Variants in SLC25A13 observed in about 807,000 individuals in gnomAD.
SLC25A13 encodes the protein solute carrier family 25 member 13.
A neutral mutation model predicts 85.5 loss-of-function variants in SLC25A13; 70 were observed. The observed-to-expected ratio is 0.82, with a 90% CI of 0.68 to 1.00. SLC25A13 has a LOEUF of 1.00. Among genes scored for constraint, SLC25A13 ranks in the 50% least tolerant of loss-of-function variants. The pLI is 0.00. For synonymous variants in SLC25A13, 259 were observed against 288.7 expected (o/e 0.90, Z 1.04); for missense variants, 765 against 819.8 (o/e 0.93, Z 0.82).
chr7:96,282,019 T>A (rs1798700121), intron 2 of SLC25A13, among the ~76,000 whole-genome samples: 1 of 152,126 alleles, frequency 6.6e-6, no homozygotes, highest in African/African-American at 2.4e-5. Flanking sequence ...ACGGACTATA[T>A]CCTTATATCC....
chr7:96,186,184 C>G (rs1323764543), intron 9 of SLC25A13, among the ~76,000 whole-genome samples: 1 of 152,260 alleles, frequency 6.6e-6, no homozygotes, highest in African/African-American at 2.4e-5. Flanking sequence ...AATCCCAGCA[C>G]TTTGGGAGGC....
intron 4 of SLC25A13, among the ~76,000 whole-genome samples, chr7:96,227,232 T>A (rs1584481789): frequency 6.6e-6 from 1 of 152,348 alleles, no homozygotes; most frequent in South Asian, 2.1e-4. Context: ...CCTTTCTCTT[T>A]CAAAATTTGT....
intron 5 of SLC25A13, among the ~76,000 whole-genome samples, chr7:96,193,434 G>T (rs191764100): frequency 1.2e-4 from 19 of 152,116 alleles, no homozygotes; most frequent in African/African-American, 4.3e-4. Flanking sequence ...AATTACTTCC[G>T]TGCTCTCTAG....
In SLC25A13 at chr7:96,170,140, T is replaced by G. The variant is rs773786315; in HGVS notation, c.1231-15A>C. On this transcript the variant is annotated splice_polypyrimidine_tract_variant and intron_variant, in intron 12 of 17. Coordinates refer to ENST00000265631, the MANE Select transcript of SLC25A13 (RefSeq NM_014251.3). ...AAATCGTTCACCTTGAAGAAAAATA[T>G]TTATAGAAGCTGATGAAAAATATAA... 5 of 1,608,606 alleles carry G rather than the reference T, an allele frequency of 3.1e-6. No homozygotes were observed. The highest frequency in any genetic ancestry group is 2.7e-5 in the African/African-American group (2 of 74,826).
At chr7:96,296,413 C>A (rs1799349843) in intron 2 of SLC25A13, among the ~76,000 whole-genome samples, 1 of 151,878 alleles carries the variant, frequency 6.6e-6, no homozygotes, top group South Asian at 2.1e-4. Context: ...GTTGTCATCA[C>A]AGTCACCTAC....
intron 5 of SLC25A13, among the ~76,000 whole-genome samples, chr7:96,194,070 A>G (rs1462212685): frequency 2.0e-5 from 3 of 152,152 alleles, no homozygotes; most frequent in Admixed American, 6.5e-5. Flanking sequence ...GCATTTTATT[A>G]TCTTCCTCAC....
At chr7:96,269,236 T>C (rs1187382046) in intron 3 of SLC25A13, among the ~76,000 whole-genome samples, 1 of 152,176 alleles carries the variant, frequency 6.6e-6, no homozygotes, top group Non-Finnish European at 1.5e-5. Flanking sequence ...CATGGAAGGC[T>C]GACCAATGTA....
At chr7:96,242,617 A>G (rs1797036791) in intron 3 of SLC25A13, among the ~76,000 whole-genome samples, 1 of 152,200 alleles carries the variant, frequency 6.6e-6, no homozygotes, top group Non-Finnish European at 1.5e-5. Flanking sequence ...CTTCATCTGT[A>G]CAATGAACAC....
At chr7:96,208,338 A>G (rs1795538688) in intron 5 of SLC25A13, among the ~76,000 whole-genome samples, 1 of 152,156 alleles carries the variant, frequency 6.6e-6, no homozygotes, top group Non-Finnish European at 1.5e-5. Context: ...TATGATTTCA[A>G]CATATTAATA....
chr7:96,278,731 A>T (rs1262839697), intron 2 of SLC25A13, among the ~76,000 whole-genome samples: 1 of 152,160 alleles, frequency 6.6e-6, no homozygotes, highest in African/African-American at 2.4e-5. Context: ...CATTTTTTTT[A>T]GCACACTACA....
chr7:96,262,999 C>T (rs1160232740), intron 3 of SLC25A13, among the ~76,000 whole-genome samples: 1 of 145,856 alleles, frequency 6.9e-6, no homozygotes, highest in Admixed American at 7.0e-5. Flanking sequence ...CTATTCATTT[C>T]CTTCATCCTT....
chr7:96,141,019 C>CT (rs11433644), intron 14 of SLC25A13, among the ~76,000 whole-genome samples: 34,424 of 124,640 alleles, frequency 0.28, 5,268 homozygotes, highest in East Asian at 0.56. Context: ...TTTTTTCTTT[C>CT]TTTTTTTTTT....
At chr7:96,228,885 A>G (rs1269155351) in intron 4 of SLC25A13, among the ~76,000 whole-genome samples, 1 of 152,136 alleles carries the variant, frequency 6.6e-6, no homozygotes, top group Non-Finnish European at 1.5e-5. Context: ...TGGGTCCCCC[A>G]GCACTCCTGG....
At chr7:96,241,721 GA>G (rs1241736682) in intron 3 of SLC25A13, among the ~76,000 whole-genome samples, 1 of 151,426 alleles carries the variant, frequency 6.6e-6, no homozygotes, top group African/African-American at 2.4e-5. Flanking sequence ...CTTACAGTAA[GA>G]AAAAAATAAA....
chr7:96,188,293 G>T (rs527255401), intron 9 of SLC25A13, among the ~76,000 whole-genome samples: 2 of 152,166 alleles, frequency 1.3e-5, no homozygotes, highest in African/African-American at 2.4e-5. Context: ...AGAGGTGCTC[G>T]TTAGAATTTA....
chr7:96,163,226 T>C (rs1470112008), intron 13 of SLC25A13, among the ~76,000 whole-genome samples: 2 of 152,204 alleles, frequency 1.3e-5, no homozygotes, highest in African/African-American at 4.8e-5. Flanking sequence ...AGAAGTCTTG[T>C]TTCTGCCCAG....
intron 13 of SLC25A13, among the ~76,000 whole-genome samples, chr7:96,160,906 G>C (rs1793482621): frequency 6.6e-6 from 1 of 151,636 alleles, no homozygotes; most frequent in African/African-American, 2.4e-5. Context: ...GACTTTTTGA[G>C]AAAACCGATG....
intron 3 of SLC25A13, among the ~76,000 whole-genome samples, chr7:96,239,086 A>AAGCCTTGTCTGGCAATGTTAATGTTTCAT: frequency 1.4e-5 from 2 of 142,234 alleles, no homozygotes; most frequent in Non-Finnish European, 3.0e-5. Flanking sequence ...TGTATATACA[A>AAGCCTTGTCTGGCAATGTTAATGTTTCAT]AGCCTTGTCT....
chr7:96,123,106 C>T (rs570186126), intron 15 of SLC25A13, among the ~76,000 whole-genome samples: 1 of 152,286 alleles, frequency 6.6e-6, no homozygotes, highest in Admixed American at 6.5e-5. Flanking sequence ...TCTCTTCCAT[C>T]TTTACCTAGC....
Sources: allele counts gnomAD v4.1 joint callset (sites outside exome capture counted in the v4.1 genomes callset), GRCh38; gene constraint gnomAD v4.1.1; transcripts MANE v1.5; gene names NCBI Gene and HGNC (gene_info 2026-07-23, HGNC 2026-07-21).